CX3CR1: variants seen among roughly 807,000 people sequenced by gnomAD.
CX3CR1 encodes C-X3-C motif chemokine receptor 1, also known as CX3C chemokine receptor 1.
For synonymous variants in CX3CR1, 168 were observed against 178.5 expected (o/e 0.94, Z 0.47); for missense variants, 363 against 432.4 (o/e 0.84, Z 1.42).
chr3:39,283,798 TATATATATATATATA>T (rs1323606555), upstream of CX3CR1, among the ~76,000 whole-genome samples: 8 of 28,750 alleles, frequency 2.8e-4, no homozygotes, highest in African/African-American at 9.7e-4. Flanking sequence ...AAAAAAATTA[TATATATATATATATA>T]TATATATATA....
At chr3:39,278,578 CTT>C (rs11305892) in intron 1 of CX3CR1, among the ~76,000 whole-genome samples, 8 of 151,072 alleles carry the variant, frequency 5.3e-5, no homozygotes, top group Admixed American at 3.9e-4. Flanking sequence ...TTCAATTTTC[CTT>C]TTTTTTTGGC....
chr3:39,266,298 A>T lies in CX3CR1; in HGVS notation c.212T>A (p.Leu71Gln), dbSNP rs531534991. ...KPKSVTDIYLLNLALSDLLFV... is the reference protein window; with the variant it reads ...KPKSVTDIYLQNLALSDLLFV... ...CAGCAGATCAGACAAGGCCAGGTTCAGGAGGTAAATGTCGGTGACACTCTT... is the reference window on the plus strand; with the variant it reads ...CAGCAGATCAGACAAGGCCAGGTTCTGGAGGTAAATGTCGGTGACACTCTT... The change falls in exon 2 of 2, where the codon CTG becomes CAG. Residue 71 changes from leucine (L) to glutamine (Q), a missense_variant. Coordinates refer to ENST00000399220, the MANE Select transcript of CX3CR1 (RefSeq NM_001337.4). The T allele has an allele frequency of 3.5e-5, 57 of 1,614,260 alleles. No individual in the cohort carries two copies. The South Asian group carries it at 6.0e-4, about 17-fold the overall frequency.
At chr3:39,281,038 C>T (rs1414672940), upstream of CX3CR1, 4 of 983,802 alleles carry the variant, frequency 4.1e-6, no homozygotes, top group East Asian at 2.3e-4. Flanking sequence ...CCGGTGCTCC[C>T]TTACCTCTAG....
the CX3CR1 span, chr3:39,287,813 T>C: frequency 1.3e-5 from 2 of 152,114 alleles, no homozygotes; most frequent in East Asian, 1.9e-4. Flanking sequence ...ATAGCTTAAG[T>C]GTATGTCTGG....
chr3:39,281,969 G>A (rs2040906661), upstream of CX3CR1, among the ~76,000 whole-genome samples: 1 of 152,212 alleles, frequency 6.6e-6, no homozygotes, highest in Non-Finnish European at 1.5e-5. Flanking sequence ...CCCACAGAGT[G>A]ATGCCATGGC....
At chr3:39,287,323 T>A in the CX3CR1 span, 1 of 152,186 alleles carries the variant, frequency 6.6e-6, no homozygotes, top group Non-Finnish European at 1.5e-5. Context: ...TAGAAGGTAT[T>A]TATTTTGCTG....
the CX3CR1 span, among the ~76,000 whole-genome samples, chr3:39,289,719 G>A: frequency 3.2e-4 from 49 of 152,186 alleles, no homozygotes; most frequent in African/African-American, 1.2e-3. Flanking sequence ...TGGGGATGAG[G>A]CCTCTAAGGA....
At chr3:39,269,778 C>T (rs2040753919) in intron 1 of CX3CR1, among the ~76,000 whole-genome samples, 1 of 152,198 alleles carries the variant, frequency 6.6e-6, no homozygotes, top group Non-Finnish European at 1.5e-5. Context: ...GTGGCTCCCA[C>T]AGGAGTCTCT....
At chr3:39,283,800 TATATATATATATA>T (rs1459376391), upstream of CX3CR1, among the ~76,000 whole-genome samples, 5 of 30,624 alleles carry the variant, frequency 1.6e-4, no homozygotes, top group African/African-American at 7.3e-4. Context: ...AAAAATTATA[TATATATATATATA>T]TATATATATA....
chr3:39,266,697 C>T (rs371520749), intron 1 of CX3CR1, 179 bp from the exon 2 acceptor site: 1 of 771,936 alleles, frequency 1.3e-6, no homozygotes, highest in African/African-American at 1.7e-5. Context: ...GTGATGAAGA[C>T]TGCAACAGAC....
At chr3:39,272,965 C>T (rs899027326) in intron 1 of CX3CR1, among the ~76,000 whole-genome samples, 1 of 152,198 alleles carries the variant, frequency 6.6e-6, no homozygotes, top group African/African-American at 2.4e-5. Context: ...AATGATGATC[C>T]CCATGGTATA....
Position 39,263,796 on chromosome 3 carries a change from A to G in CX3CR1, c.*1646T>C, listed in dbSNP as rs895209391. The G allele has an allele frequency of 2.6e-5, 4 of 152,252 alleles. No individual in the cohort carries two copies. The highest frequency in any genetic ancestry group is 5.9e-5 in the Non-Finnish European group (4 of 68,048). The allele number at this position is 152,252 out of a possible 1,614,324, so 9.4% of individuals were successfully genotyped here. A position where few individuals can be genotyped will look rare whatever the true frequency, so the allele number is the denominator to read the frequency against. On this transcript the variant is annotated 3_prime_UTR_variant, in exon 2 of 2. Coordinates refer to ENST00000399220, the MANE Select transcript of CX3CR1 (RefSeq NM_001337.4). ...TAAGAGGAAAACAAATCAGATTATA[A>G]AACCATCTGTACATTACGATTGCAA...
chr3:39,279,763 T>C (rs1009378264), intron 1 of CX3CR1, among the ~76,000 whole-genome samples, 191 bp downstream of exon 1: 1 of 152,162 alleles, frequency 6.6e-6, no homozygotes, highest in Non-Finnish European at 1.5e-5. Context: ...TTCCACCAGG[T>C]TGAGTGTATT....
Position 39,279,958 on chromosome 3 carries a change from C to T in CX3CR1, c.-14G>A, listed in dbSNP as rs532414213. On this transcript the variant is annotated 5_prime_UTR_variant, in exon 1 of 2. Coordinates refer to ENST00000399220, the MANE Select transcript of CX3CR1 (RefSeq NM_001337.4). ...CAACTAGTCCTGTGCACCTACCTGG[C>T]GTGGACTGCCAAGGGAACCTCTGGA... The T allele has an allele frequency of 1.4e-5, 14 of 985,408 alleles. No individual in the cohort carries two copies. The East Asian group carries it at 3.4e-4, about 24-fold the overall frequency. 61.0% of individuals were successfully genotyped at this position (985,408 alleles called of 1,614,324 possible). A position where few individuals can be genotyped will look rare whatever the true frequency, so the allele number is the denominator to read the frequency against.
upstream of CX3CR1, chr3:39,281,598 T>A (rs2040899745): frequency 6.3e-7 from 1 of 1,598,180 alleles, no homozygotes; most frequent in East Asian, 2.2e-5. Context: ...GTCTTTCCTC[T>A]CACCACTTAC....
chr3:39,290,771 A>G, the CX3CR1 span, among the ~76,000 whole-genome samples: 3 of 151,900 alleles, frequency 2.0e-5, no homozygotes, highest in African/African-American at 7.3e-5. Context: ...AATACAAAAA[A>G]TTTGCCAGGC....
At chr3:39,266,785 G>A in intron 1 of CX3CR1, 1 of 643,162 alleles carries the variant, frequency 1.6e-6, no homozygotes, top group Non-Finnish European at 2.9e-6. Context: ...TTTGGCTCTA[G>A]GCATTTTTTT....
chr3:39,280,573 T>C, upstream of CX3CR1: 2 of 647,174 alleles, frequency 3.1e-6, no homozygotes, highest in Non-Finnish European at 3.8e-6. Flanking sequence ...GCTTTGGTAC[T>C]GAAGGCATCT....
intron 1 of CX3CR1, among the ~76,000 whole-genome samples, chr3:39,278,655 C>CTTTTT (rs55908068): frequency 1.2e-3 from 129 of 103,690 alleles, no homozygotes; most frequent in Non-Finnish European, 1.6e-3. Context: ...TTTTTCTTTT[C>CTTTTT]TTTTTTTTTT....
Sources: allele counts gnomAD v4.1 joint callset (sites outside exome capture counted in the v4.1 genomes callset), GRCh38; gene constraint gnomAD v4.1.1; transcripts MANE v1.5; gene names NCBI Gene and HGNC (gene_info 2026-07-23, HGNC 2026-07-21).